Variants in HARBI1 observed in about 807,000 individuals in gnomAD.
HARBI1 encodes the protein harbinger transposase derived 1.
In HARBI1, 15 loss-of-function variants were observed where a neutral mutation model predicts 25.3. The observed-to-expected ratio is 0.59, with a 90% confidence interval of 0.40 to 0.91. The LOEUF (loss-of-function observed/expected upper bound fraction) is 0.91. Among genes scored for constraint, HARBI1 ranks in the 40% least tolerant of loss-of-function variants. HARBI1 has a pLI of 0.00. For synonymous variants in HARBI1, 168 were observed against 160.5 expected (o/e 1.05, Z -0.35); for missense variants, 396 against 445.8 (o/e 0.89, Z 1.01).
chr11:46,607,464 T>C (rs1446157824), intron 2 of HARBI1, among the ~76,000 whole-genome samples: 2 of 152,222 alleles, frequency 1.3e-5, no homozygotes, highest in African/African-American at 4.8e-5. Flanking sequence ...AAGAATATAA[T>C]GCTGTAAAAG....
chr11:46,613,931 A>G (rs909883130), intron 2 of HARBI1, among the ~76,000 whole-genome samples: 1 of 152,060 alleles, frequency 6.6e-6, no homozygotes, highest in Non-Finnish European at 1.5e-5. Flanking sequence ...TTGACTTCCC[A>G]AAGTGCTGGG....
At chr11:46,604,522 G>A (rs570054363) in intron 2 of HARBI1, 1 of 984,040 alleles carries the variant, frequency 1.0e-6, no homozygotes, top group South Asian at 4.7e-5. Flanking sequence ...TACAGAGCAA[G>A]AATGAAACAG....
At chr11:46,604,272 G>A (rs1473338228) in intron 2 of HARBI1, 3 of 971,012 alleles carry the variant, frequency 3.1e-6, no homozygotes, top group African/African-American at 3.5e-5. Flanking sequence ...ACTTTGGGAG[G>A]CTGAGGCGGG....
At chr11:46,614,076 T>TA (rs1257818745) in intron 2 of HARBI1, among the ~76,000 whole-genome samples, 1 of 151,922 alleles carries the variant, frequency 6.6e-6, no homozygotes, top group Non-Finnish European at 1.5e-5. Context: ...ACCTGTAAGA[T>TA]AAATTCTTAG....
At chr11:46,607,216 C>T (rs948526651) in intron 2 of HARBI1, among the ~76,000 whole-genome samples, 6 of 145,752 alleles carry the variant, frequency 4.1e-5, no homozygotes, top group African/African-American at 1.5e-4. Context: ...GAGCCGAGAT[C>T]ACGCCACTGC....
intron 1 of HARBI1, 97 bp from the exon 2 acceptor site, chr11:46,616,478 T>A (rs1446960109): frequency 7.4e-7 from 1 of 1,343,482 alleles, no homozygotes; most frequent in African/African-American, 1.5e-5. Context: ...TTCCATTTTG[T>A]TGAGGCAAAA....
chr11:46,611,952 C>A (rs753936912), intron 2 of HARBI1, among the ~76,000 whole-genome samples: 1 of 152,064 alleles, frequency 6.6e-6, no homozygotes, highest in Non-Finnish European at 1.5e-5. Flanking sequence ...AAAAATAGTA[C>A]GGAGAAGCAA....
At chr11:46,607,763 T>C (rs534395643) in intron 2 of HARBI1, among the ~76,000 whole-genome samples, 26 of 152,264 alleles carry the variant, frequency 1.7e-4, no homozygotes, top group East Asian at 9.7e-4. Flanking sequence ...AGCTGCTTAA[T>C]AGGACTAGGC....
chr11:46,605,490 A>G (rs902187845), intron 2 of HARBI1, among the ~76,000 whole-genome samples: 3 of 151,500 alleles, frequency 2.0e-5, no homozygotes, highest in East Asian at 3.9e-4. Flanking sequence ...AGCGCCGAGC[A>G]GGAGCTTACA....
upstream of HARBI1, chr11:46,617,736 G>T (rs574379493): frequency 1.5e-4 from 61 of 398,438 alleles, no homozygotes; most frequent in East Asian, 2.1e-3. Context: ...TGCGAGCCAG[G>T]ACCCTTCTGA....
upstream of HARBI1, chr11:46,617,261 C>G (rs544254279): frequency 6.5e-6 from 1 of 153,122 alleles, no homozygotes; most frequent in Non-Finnish European, 1.5e-5. Flanking sequence ...AGCGCCCGCC[C>G]CGCGCCGCGC....
chr11:46,605,524 T>C (rs1344098595), intron 2 of HARBI1, among the ~76,000 whole-genome samples: 1 of 151,032 alleles, frequency 6.6e-6, no homozygotes, highest in Non-Finnish European at 1.5e-5. Context: ...TGTAAATATC[T>C]AAGAAGTCTC....
chr11:46,615,323 G>A (rs528382157), intron 2 of HARBI1, among the ~76,000 whole-genome samples: 52 of 151,920 alleles, frequency 3.4e-4, no homozygotes, highest in African/African-American at 1.2e-3. Context: ...CTGGGTTCAA[G>A]CGATTGTCCT....
chr11:46,609,113 G>A (rs1338530702), intron 2 of HARBI1, among the ~76,000 whole-genome samples: 4 of 150,268 alleles, frequency 2.7e-5, no homozygotes, highest in South Asian at 2.1e-4. Flanking sequence ...TAGAAGAGAT[G>A]GGATTTCACC....
Position 46,603,922 on chromosome 11 carries a change from C to G in HARBI1, c.671-13G>C. The G allele has an allele frequency of 6.3e-7, 1 of 1,589,816 alleles. No homozygotes were observed. ...AAGGAACTGTCACCTGTGGGGAAGG[C>G]CCAAATAAATCATAAATGACTATAA... On this transcript the variant is annotated splice_polypyrimidine_tract_variant and intron_variant, in intron 2 of 2. Transcript: ENST00000326737.
chr11:46,616,403 A>C, intron 1 of HARBI1, 22 bp from the exon 2 acceptor site: 1 of 1,424,904 alleles, frequency 7.0e-7, no homozygotes, highest in East Asian at 2.5e-5. Flanking sequence ...AAAAGAAAAA[A>C]CATTAGGAAC....
chr11:46,614,809 A>G (rs1046949096), intron 2 of HARBI1, among the ~76,000 whole-genome samples: 5 of 152,216 alleles, frequency 3.3e-5, no homozygotes, highest in African/African-American at 4.8e-5. Context: ...TTTTTTAAAA[A>G]TTAAGGCTAA....
intron 1 of HARBI1, 99 bp downstream of exon 1, chr11:46,617,025 G>T: frequency 1.0e-6 from 1 of 983,490 alleles, no homozygotes; most frequent in Non-Finnish European, 1.2e-6. Flanking sequence ...GCCGAACCAG[G>T]TTTGGGAAGC....
In HARBI1 at chr11:46,615,673, C is replaced by A; in HGVS notation, c.565G>T (p.Val189Leu). 1 of 1,614,198 alleles carries A rather than the reference C, an allele frequency of 6.2e-7. No individual in the cohort carries two copies. The part of the protein sequence containing the change: ...VCDIRGTLMT[V>L]ETNWPGSLQD... ...AGGCTGCCGGGCCAGTTTGTCTCCA[C>A]GGTCATTAGTGTCCCTCTAATGTCA... Residue 189 changes from valine to leucine, a missense_variant, in exon 2 of 3, where the codon GTG (valine) becomes TTG (leucine). Physicochemically the swap from Val to Leu is conservative, Grantham distance 32. Coordinates refer to ENST00000326737, the MANE Select transcript of HARBI1 (RefSeq NM_173811.4).
Sources: allele counts gnomAD v4.1 joint callset (sites outside exome capture counted in the v4.1 genomes callset), GRCh38; gene constraint gnomAD v4.1.1; transcripts MANE v1.5; gene names NCBI Gene and HGNC (gene_info 2026-07-23, HGNC 2026-07-21).